GRIA4: variants seen among roughly 807,000 people sequenced by gnomAD.
The protein encoded by GRIA4 is glutamate receptor 4.
In GRIA4, 34 loss-of-function variants were observed where a neutral mutation model predicts 104.0. The observed-to-expected ratio is 0.33, with a 90% confidence interval of 0.25 to 0.44. The LOEUF (loss-of-function observed/expected upper bound fraction) is 0.44, where lower values mean the gene tolerates loss of function less well. GRIA4 is among the 20% of genes least tolerant of loss of function. The pLI, the probability that GRIA4 is intolerant of heterozygous loss-of-function variation, is 1.00. For missense variants in GRIA4, 750 were observed against 1,096.5 expected (o/e 0.68, Z 4.46); for synonymous variants, 386 against 381.9 (o/e 1.01, Z -0.13).
chr11:105,796,316 A>G (rs1048556686), intron 4 of GRIA4, among the ~76,000 whole-genome samples: 1 of 151,894 alleles, frequency 6.6e-6, no homozygotes, highest in African/African-American at 2.4e-5. Flanking sequence ...TCAATCTGTC[A>G]TTTTTCTTTT....
Position 105,894,795 on chromosome 11 carries a change from T to TA in GRIA4, c.727-3474_727-3473insA, listed in dbSNP as rs1946587574. On this transcript the variant is annotated intron_variant, in intron 6 of 16. Coordinates refer to ENST00000282499, the MANE Select transcript of GRIA4 (RefSeq NM_000829.4). ...ACTGCAGGATTATTGCTACATATTTTTTTTTTTTTTTTTTTGAGACGGAGT... is the reference window on the plus strand; with the variant it reads ...ACTGCAGGATTATTGCTACATATTTTATTTTTTTTTTTTTTTGAGACGGAGT... Among the ~76,000 whole-genome samples, 287 of 137,376 alleles carry TA rather than the reference T, an allele frequency of 2.1e-3. 8 individuals carry two copies. The highest frequency in any genetic ancestry group is 3.8e-3 in the Admixed American group (51 of 13,368). The allele number at this position is 137,376 out of a possible 152,430, so 90.1% of individuals were successfully genotyped here. A position where few individuals can be genotyped will look rare whatever the true frequency, so the allele number is the denominator to read the frequency against.
intron 7 of GRIA4, among the ~76,000 whole-genome samples, chr11:105,900,869 C>G (rs911995347): frequency 3.3e-5 from 5 of 152,114 alleles, no homozygotes. Context: ...TGAGCCACTG[C>G]GCCTGGCCCA....
At chr11:105,846,805 A>T (rs1441759682) in intron 4 of GRIA4, among the ~76,000 whole-genome samples, 1 of 152,208 alleles carries the variant, frequency 6.6e-6, no homozygotes, top group South Asian at 2.1e-4. Context: ...TTGGTAAAAA[A>T]TATTTTCTTT....
intron 3 of GRIA4, among the ~76,000 whole-genome samples, chr11:105,678,598 A>C (rs1012964995): frequency 1.4e-4 from 21 of 152,134 alleles, no homozygotes; most frequent in African/African-American, 5.1e-4. Flanking sequence ...CTCCATGAAT[A>C]GGTTCTATGT....
chr11:105,966,145 C>G (rs2136273563), intron 14 of GRIA4: 2 of 913,162 alleles, frequency 2.2e-6, no homozygotes, highest in East Asian at 5.0e-5. Flanking sequence ...TTTGGACCTC[C>G]TAATACCAGT....
intron 3 of GRIA4, among the ~76,000 whole-genome samples, chr11:105,739,786 C>T (rs1939193337): frequency 6.6e-6 from 1 of 152,030 alleles, no homozygotes; most frequent in South Asian, 2.1e-4. Context: ...TTCAAATAAA[C>T]TGTCAGTATT....
intron 3 of GRIA4, among the ~76,000 whole-genome samples, chr11:105,634,086 T>C (rs1438299655): frequency 2.0e-5 from 3 of 152,000 alleles, no homozygotes; most frequent in African/African-American, 7.2e-5. Context: ...TGGTGGCTCA[T>C]GCCTGTAATC....
At chr11:105,684,545 A>T in intron 3 of GRIA4, among the ~76,000 whole-genome samples, 1 of 33,230 alleles carries the variant, frequency 3.0e-5, no homozygotes, top group Non-Finnish European at 9.5e-5. Flanking sequence ...ATATATATAT[A>T]CATATATATA....
chr11:105,946,728 C>G (rs1948323352), intron 14 of GRIA4, among the ~76,000 whole-genome samples: 1 of 152,112 alleles, frequency 6.6e-6, no homozygotes, highest in South Asian at 2.1e-4. Context: ...TATCATTTTC[C>G]TCCAAAGAAG....
chr11:105,929,188 A>G (rs2136202950), intron 13 of GRIA4, among the ~76,000 whole-genome samples: 1 of 152,150 alleles, frequency 6.6e-6, no homozygotes, highest in Non-Finnish European at 1.5e-5. Flanking sequence ...TAAATAAACC[A>G]TTTGTCTGAT....
At chr11:105,615,471 T>C (rs972335843) in intron 3 of GRIA4, among the ~76,000 whole-genome samples, 1 of 151,798 alleles carries the variant, frequency 6.6e-6, no homozygotes, top group African/African-American at 2.4e-5. Flanking sequence ...TAAAATTATA[T>C]GAAATACAGA....
chr11:105,661,959 A>G (rs1952023466), intron 3 of GRIA4, among the ~76,000 whole-genome samples: 1 of 151,418 alleles, frequency 6.6e-6, no homozygotes, highest in Non-Finnish European at 1.5e-5. Flanking sequence ...TGAACTGCAA[A>G]GTTGGATTAA....
chr11:105,864,456 A>C (rs1945336897), intron 5 of GRIA4, among the ~76,000 whole-genome samples: 1 of 152,236 alleles, frequency 6.6e-6, no homozygotes, highest in Admixed American at 6.5e-5. Flanking sequence ...AAAGGTAAAA[A>C]GTTAAATGCT....
At chr11:105,924,999 A>G (rs894774635) in intron 12 of GRIA4, among the ~76,000 whole-genome samples, 4 of 152,148 alleles carry the variant, frequency 2.6e-5, no homozygotes, top group Admixed American at 1.3e-4. Flanking sequence ...CAGAGCTCTC[A>G]AAAATCATTT....
At chr11:105,838,674 C>G (rs891495499) in intron 4 of GRIA4, among the ~76,000 whole-genome samples, 3 of 152,106 alleles carry the variant, frequency 2.0e-5, no homozygotes, top group African/African-American at 7.2e-5. Flanking sequence ...CTCATAGACG[C>G]TATTAAAATC....
intron 3 of GRIA4, among the ~76,000 whole-genome samples, chr11:105,683,632 A>G (rs1259181672): frequency 6.6e-6 from 1 of 152,154 alleles, no homozygotes; most frequent in Non-Finnish European, 1.5e-5. Flanking sequence ...CTTTTTTACT[A>G]CTTCTCTGGT....
chr11:105,762,649 T>A (rs1940720309), intron 4 of GRIA4, among the ~76,000 whole-genome samples: 1 of 152,162 alleles, frequency 6.6e-6, no homozygotes, highest in South Asian at 2.1e-4. Context: ...CTGGTTTGAA[T>A]CATGGGGATG....
chr11:105,717,717 T>C (rs1001185231), intron 3 of GRIA4, among the ~76,000 whole-genome samples: 1 of 151,908 alleles, frequency 6.6e-6, no homozygotes, highest in Non-Finnish European at 1.5e-5. Flanking sequence ...TTTTTTTTAT[T>C]TATTATTATT....
At chr11:105,710,561 T>C (rs1160329414) in intron 3 of GRIA4, among the ~76,000 whole-genome samples, 1 of 152,164 alleles carries the variant, frequency 6.6e-6, no homozygotes, top group East Asian at 1.9e-4. Context: ...ATTTAGATAT[T>C]TTCTGTTTGA....
Sources: gnomAD v4.1 joint callset for allele counts (sites outside exome capture counted in the v4.1 genomes callset) on GRCh38, gnomAD v4.1.1 for gene constraint, MANE v1.5 for transcripts, NCBI Gene and HGNC (gene_info 2026-07-23, HGNC 2026-07-21) for gene names.